The following NTM variants were observed in gnomAD, a reference collection of about 807,000 sequenced individuals.
The protein encoded by NTM is neurotrimin.
NTM carries 13 observed loss-of-function variants against 42.1 expected under a neutral mutation model. The ratio of observed to expected loss-of-function variants is 0.31; its 90% CI spans 0.20 to 0.49. The LOEUF is 0.49. NTM is among the 20% of genes least tolerant of loss of function. The probability of loss-of-function intolerance (pLI) is 0.99; values close to 1 mark genes in which losing one functional copy is unlikely to be tolerated. For synonymous variants in NTM, 187 were observed against 179.2 expected (o/e 1.04, Z -0.35); for missense variants, 373 against 452.8 (o/e 0.82, Z 1.60).
chr11:132,163,640 C>G (rs763654547), intron 3 of NTM, among the ~76,000 whole-genome samples: 1 of 152,202 alleles, frequency 6.6e-6, no homozygotes, highest in Non-Finnish European at 1.5e-5. Flanking sequence ...CACAGCCTCC[C>G]TCAAACACTA....
intron 1 of NTM, among the ~76,000 whole-genome samples, chr11:131,456,807 C>A (rs1010211578): frequency 1.3e-5 from 2 of 152,050 alleles, no homozygotes; most frequent in Non-Finnish European, 2.9e-5. Context: ...TATTTTTTCT[C>A]TTATATGGAC....
intron 1 of NTM, among the ~76,000 whole-genome samples, chr11:131,581,369 G>T (rs2058395807): frequency 6.6e-6 from 1 of 152,222 alleles, no homozygotes; most frequent in African/African-American, 2.4e-5. Flanking sequence ...TTGCTTCAAG[G>T]AGAGGGAGGA....
At chr11:132,043,627 T>C (rs1303564706) in intron 2 of NTM, among the ~76,000 whole-genome samples, 1 of 152,260 alleles carries the variant, frequency 6.6e-6, no homozygotes, top group Non-Finnish European at 1.5e-5. Context: ...TCACCCGTTA[T>C]GGCTCTTGGC....
At chr11:131,378,835 C>A in intron 1 of NTM, among the ~76,000 whole-genome samples, 1 of 152,184 alleles carries the variant, frequency 6.6e-6, no homozygotes, top group Non-Finnish European at 1.5e-5. Flanking sequence ...AATCAGTTAT[C>A]CAGCTGCATT....
chr11:131,474,649 G>A (rs1393118880), intron 1 of NTM, among the ~76,000 whole-genome samples: 1 of 151,984 alleles, frequency 6.6e-6, no homozygotes, highest in East Asian at 1.9e-4. Context: ...CAGGAACCTG[G>A]ACTTTTCAAC....
intron 1 of NTM, among the ~76,000 whole-genome samples, chr11:131,512,717 G>C (rs2048412667): frequency 6.6e-6 from 1 of 152,106 alleles, no homozygotes; most frequent in Non-Finnish European, 1.5e-5. Flanking sequence ...GCATGTGCTG[G>C]CTGGGCCACG....
rs545697762 is a variant in NTM at position 131,881,331 on chromosome 11, A to T, written c.83-30233A>T. Among the ~76,000 whole-genome samples the T allele has an allele frequency of 2.4e-4, 36 of 152,296 alleles. No individual in the cohort carries two copies. In the South Asian group the frequency reaches 6.2e-3, roughly 26 times the overall value. ...GGTTTGAGGGAGCACTTCAGTAGTG[A>T]AAGGTACATGGATTTGAAATCAGAA... On this transcript the variant is annotated intron_variant, in intron 1 of 8. Coordinates refer to ENST00000683400, the MANE Select transcript of NTM (RefSeq NM_001352005.2).
chr11:131,481,317 G>C (rs1270343427), intron 1 of NTM, among the ~76,000 whole-genome samples: 1 of 152,230 alleles, frequency 6.6e-6, no homozygotes, highest in East Asian at 1.9e-4. Context: ...CGGTGAAAGT[G>C]TGTGGCTCCC....
chr11:132,146,563 G>A lies in NTM; in HGVS notation c.400+49G>A. On this transcript the variant is annotated intron_variant, in intron 3 of 8. Transcript: ENST00000683400. The surrounding 1 kb of genome is among the most constrained non-coding windows in gnomAD (Gnocchi z 4.5). ...GAGATCTGGCTGGCCAGCCTGGAAA[G>A]CCTTCAGGTAAAGGTTTGTTCTCTG... The A allele has an allele frequency of 6.3e-7, 1 of 1,592,112 alleles. No individual in the cohort carries two copies.
intron 2 of NTM, among the ~76,000 whole-genome samples, chr11:132,120,422 AACAGTGGCCTGAGAC>A (rs1171339688): frequency 6.6e-6 from 1 of 152,174 alleles, no homozygotes; most frequent in African/African-American, 2.4e-5. Context: ...TCTCCCTAAA[AACAGTGGCCTGAGAC>A]ACTTTAGACC....
chr11:131,901,386 A>G (rs941598010), intron 1 of NTM, among the ~76,000 whole-genome samples: 3 of 152,210 alleles, frequency 2.0e-5, no homozygotes, highest in African/African-American at 7.2e-5. Context: ...ATATTTGGCC[A>G]CTTTTCCACA....
chr11:131,654,438 G>A (rs982605315), intron 1 of NTM, among the ~76,000 whole-genome samples: 55 of 150,694 alleles, frequency 3.6e-4, no homozygotes, highest in African/African-American at 1.3e-3. Flanking sequence ...GTCCCGACAG[G>A]TTTTTTTTTT....
intron 1 of NTM, among the ~76,000 whole-genome samples, chr11:131,398,765 G>A (rs79798030): frequency 0.046 from 7,013 of 152,192 alleles, 248 homozygotes; most frequent in Middle Eastern, 0.092. Context: ...CTGAGGCATG[G>A]AAAAACAAAG....
intron 2 of NTM, among the ~76,000 whole-genome samples, chr11:131,980,107 G>A (rs1007338798): frequency 1.3e-5 from 2 of 152,160 alleles, no homozygotes; most frequent in African/African-American, 4.8e-5. Flanking sequence ...GAACTGTAGG[G>A]AAGTGAAGGG....
At chr11:132,290,132 G>A (rs1295626030) in intron 4 of NTM, among the ~76,000 whole-genome samples, 1 of 152,112 alleles carries the variant, frequency 6.6e-6, no homozygotes, top group Non-Finnish European at 1.5e-5. Flanking sequence ...TTTCATTTAT[G>A]TATTTTTGTC....
At chr11:131,511,845 A>G (rs1418677163) in intron 1 of NTM, among the ~76,000 whole-genome samples, 1 of 152,180 alleles carries the variant, frequency 6.6e-6, no homozygotes, top group East Asian at 1.9e-4. Flanking sequence ...AACTGAAAGC[A>G]CTTTGCAAAG....
At chr11:131,875,141 A>G (rs1315422834) in intron 1 of NTM, among the ~76,000 whole-genome samples, 1 of 152,220 alleles carries the variant, frequency 6.6e-6, no homozygotes, top group Non-Finnish European at 1.5e-5. Flanking sequence ...CACATATAGA[A>G]TGGGTTTAAT....
chr11:132,199,374 A>G (rs1009585487), intron 3 of NTM, among the ~76,000 whole-genome samples: 1 of 152,194 alleles, frequency 6.6e-6, no homozygotes, highest in Non-Finnish European at 1.5e-5. Flanking sequence ...GTTTGCTTCT[A>G]TATGCTTTTC....
intron 1 of NTM, among the ~76,000 whole-genome samples, chr11:131,702,694 T>A (rs762795292): frequency 6.6e-6 from 1 of 152,226 alleles, no homozygotes; most frequent in Non-Finnish European, 1.5e-5. Context: ...AAGGCAATTT[T>A]AAACAAAATA....
Sources: gnomAD v4.1 joint callset for allele counts (sites outside exome capture counted in the v4.1 genomes callset) on GRCh38, gnomAD v4.1.1 for gene constraint, Gnocchi (gnomAD v3.1) non-coding constraint, MANE v1.5 for transcripts, NCBI Gene and HGNC (gene_info 2026-07-23, HGNC 2026-07-21) for gene names.